PTPRN2: variants seen among roughly 807,000 people sequenced by gnomAD.
The protein encoded by PTPRN2 is receptor-type tyrosine-protein phosphatase N2.
PTPRN2 carries 74 observed loss-of-function variants against 118.8 expected under a neutral mutation model. That is an observed-to-expected ratio of 0.62 (90% CI 0.52 to 0.76). PTPRN2 has a LOEUF of 0.76. Ranked by LOEUF, PTPRN2 falls within the 30% of genes least tolerant of loss-of-function variation. The probability of loss-of-function intolerance (pLI) is 0.00; values close to 1 mark genes in which losing one functional copy is unlikely to be tolerated. For missense variants in PTPRN2, 1,481 were observed against 1,394.4 expected (o/e 1.06, Z -0.99); for synonymous variants, 641 against 608.0 (o/e 1.05, Z -0.80).
intron 3 of PTPRN2, among the ~76,000 whole-genome samples, chr7:158,243,430 G>C (rs1247175895): frequency 6.6e-6 from 1 of 152,196 alleles, no homozygotes. Flanking sequence ...TTAAAAGTCT[G>C]GTCACTGTAG....
chr7:158,260,539 T>C (rs1049031540), intron 3 of PTPRN2, among the ~76,000 whole-genome samples: 1 of 152,140 alleles, frequency 6.6e-6, no homozygotes, highest in African/African-American at 2.4e-5. Flanking sequence ...AGAGGGCCTA[T>C]AGAATCCAAA....
intron 2 of PTPRN2, among the ~76,000 whole-genome samples, chr7:158,428,307 G>A (rs1328364328): frequency 2.0e-5 from 3 of 152,134 alleles, no homozygotes; most frequent in Non-Finnish European, 4.4e-5. Context: ...GCGCATCCAA[G>A]ACAAGGGGCC....
At chr7:157,873,684 G>A (rs1195426750) in intron 12 of PTPRN2, among the ~76,000 whole-genome samples, 4 of 149,788 alleles carry the variant, frequency 2.7e-5, no homozygotes, top group Admixed American at 6.6e-5. Context: ...GGTCTGTCTC[G>A]TCGTGGGGGC....
intron 2 of PTPRN2, among the ~76,000 whole-genome samples, chr7:158,437,238 C>G (rs1816633260): frequency 6.6e-6 from 1 of 152,314 alleles, no homozygotes; most frequent in South Asian, 2.1e-4. Flanking sequence ...TTTTGTGATG[C>G]CCATCTATTG....
intron 14 of PTPRN2, among the ~76,000 whole-genome samples, chr7:157,626,210 G>A (rs576860090): frequency 1.3e-4 from 19 of 151,964 alleles, no homozygotes; most frequent in Middle Eastern, 3.2e-3. Context: ...TCTTACCATC[G>A]CTTCCCCTTT....
intron 17 of PTPRN2, among the ~76,000 whole-genome samples, chr7:157,586,875 C>A (rs1800705698): frequency 6.6e-6 from 1 of 152,240 alleles, no homozygotes; most frequent in African/African-American, 2.4e-5. Flanking sequence ...TGAGCGGATG[C>A]CATCTTTGGA....
At chr7:157,938,317 C>T (rs1563255771) in intron 11 of PTPRN2, among the ~76,000 whole-genome samples, 6 of 152,218 alleles carry the variant, frequency 3.9e-5, no homozygotes, top group South Asian at 4.1e-4. Context: ...AGCCATGGGA[C>T]AGCTGCACAT....
intron 14 of PTPRN2, among the ~76,000 whole-genome samples, chr7:157,652,077 T>C (rs1355833590): frequency 6.6e-6 from 1 of 152,240 alleles, no homozygotes; most frequent in African/African-American, 2.4e-5. Flanking sequence ...TTCTCCTTAG[T>C]TCATCCCAGA....
At chr7:158,184,948 G>A (rs918050137) in intron 5 of PTPRN2, among the ~76,000 whole-genome samples, 7 of 152,292 alleles carry the variant, frequency 4.6e-5, no homozygotes, top group East Asian at 1.9e-4. Flanking sequence ...GTAGGTTTCC[G>A]TCATGGATGG....
At position 158,523,684 on chromosome 7, in the gene PTPRN2, C is replaced by CGTCTACCCTGGAGCAGA. The variant is rs1563393307; in HGVS notation, c.113-33900_113-33899insTCTGCTCCAGGGTAGAC. ...GGAGTCGTCTGCCCTGGAGCGGAGT[C>CGTCTACCCTGGAGCAGA]GTCTGCCCTGGAGTGGAGTCGTCTG... is the stretch of plus-strand genomic sequence containing the variant. On this transcript the variant is annotated intron_variant, in intron 1 of 22. Coordinates refer to ENST00000389418, the MANE Select transcript of PTPRN2 (RefSeq NM_002847.5). Among the ~76,000 whole-genome samples the CGTCTACCCTGGAGCAGA allele has an allele frequency of 1.4e-3, 193 of 138,318 alleles. 1 individual carries two copies. Among genetic ancestry groups the CGTCTACCCTGGAGCAGA allele is most frequent in the Non-Finnish European group, 2.1e-3 (136 of 63,428 alleles). The allele number at this position is 138,318 out of a possible 152,430, so 90.7% of individuals were successfully genotyped here. A position where few individuals can be genotyped will look rare whatever the true frequency, so the allele number is the denominator to read the frequency against.
At chr7:158,448,084 A>G (rs11773729) in intron 2 of PTPRN2, among the ~76,000 whole-genome samples, 34,854 of 152,062 alleles carry the variant, frequency 0.23, 4,273 homozygotes, top group Admixed American at 0.28. Context: ...GCCCCACTCC[A>G]GCCACTCCAC....
rs1445104341 is a variant in PTPRN2 at position 157,629,909 on chromosome 7, C to A, written c.2197-8400G>T. Among the ~76,000 whole-genome samples, 2 of 152,226 alleles carry A rather than the reference C, an allele frequency of 1.3e-5. No homozygotes were observed. Among genetic ancestry groups the A allele is most frequent in the Non-Finnish European group, 2.9e-5 (2 of 68,044 alleles). On this transcript the variant is annotated intron_variant, in intron 14 of 22. Coordinates refer to ENST00000389418, the MANE Select transcript of PTPRN2 (RefSeq NM_002847.5). This position sits in a 1 kb window ranked among gnomAD's most constrained non-coding sequence, Gnocchi z 4.4. ...ACCACAGGTTTGTGTGTTGAAGTCA[C>A]AAGTTAGAGTAATGCTTTTAAAAGC...
intron 12 of PTPRN2, among the ~76,000 whole-genome samples, chr7:157,685,014 C>G (rs1010379513): frequency 1.3e-5 from 2 of 151,964 alleles, no homozygotes; most frequent in African/African-American, 2.4e-5. Context: ...GGGGCCGCGT[C>G]CCCCGGAGCC....
At chr7:158,482,619 T>C (rs1230087354) in intron 2 of PTPRN2, among the ~76,000 whole-genome samples, 1 of 152,234 alleles carries the variant, frequency 6.6e-6, no homozygotes, top group Non-Finnish European at 1.5e-5. Flanking sequence ...GTAACTTTTA[T>C]ATGCACTGGA....
At chr7:158,032,485 G>A (rs899090002) in intron 11 of PTPRN2, among the ~76,000 whole-genome samples, 3 of 152,178 alleles carry the variant, frequency 2.0e-5, no homozygotes, top group African/African-American at 7.2e-5. Flanking sequence ...CGGATGCAGT[G>A]AGTGGCTCCT....
At chr7:157,909,240 C>A (rs1020692985) in intron 11 of PTPRN2, among the ~76,000 whole-genome samples, 13 of 152,146 alleles carry the variant, frequency 8.5e-5, no homozygotes, top group African/African-American at 2.9e-4. Context: ...TCACTATGAA[C>A]ATATATTTTT....
intron 3 of PTPRN2, among the ~76,000 whole-genome samples, chr7:158,285,116 G>A (rs760184838): frequency 6.6e-6 from 1 of 152,166 alleles, no homozygotes; most frequent in Non-Finnish European, 1.5e-5. Flanking sequence ...TGCTCTCAGT[G>A]GAAAACATAC....
intron 12 of PTPRN2, among the ~76,000 whole-genome samples, chr7:157,860,588 C>A (rs773232329): frequency 1.3e-5 from 2 of 152,252 alleles, no homozygotes; most frequent in Admixed American, 1.3e-4. Flanking sequence ...CGCGTTTCCA[C>A]GCTGGAACTA....
chr7:158,328,925 G>T (rs1803891111), intron 2 of PTPRN2, among the ~76,000 whole-genome samples: 1 of 150,992 alleles, frequency 6.6e-6, no homozygotes, highest in Non-Finnish European at 1.5e-5. Flanking sequence ...GCCTGGGACG[G>T]TAAATCCAGG....
Sources: allele counts gnomAD v4.1 joint callset (sites outside exome capture counted in the v4.1 genomes callset), GRCh38; gene constraint gnomAD v4.1.1; non-coding constraint Gnocchi (gnomAD v3.1); transcripts MANE v1.5; gene names NCBI Gene and HGNC (gene_info 2026-07-23, HGNC 2026-07-21).